PTPRN2: variants seen among roughly 807,000 people sequenced by gnomAD.
The protein encoded by PTPRN2 is protein tyrosine phosphatase receptor type N2, also known as receptor-type tyrosine-protein phosphatase N2.
In PTPRN2, 74 loss-of-function variants were observed where a neutral mutation model predicts 118.8. That is an observed-to-expected ratio of 0.62 (90% CI 0.52 to 0.76). The LOEUF is 0.76. Among genes scored for constraint, PTPRN2 ranks in the 30% least tolerant of loss-of-function variants. PTPRN2 has a pLI of 0.00. For synonymous variants in PTPRN2, 641 were observed against 608.0 expected (o/e 1.05, Z -0.80); for missense variants, 1,481 against 1,394.4 (o/e 1.06, Z -0.99).
rs2151255390 is a variant in PTPRN2, at chr7:157,868,781, T to C, written c.1788+29892A>G. 1 of 152,346 alleles carries C rather than the reference T, an allele frequency of 6.6e-6. No homozygotes were observed. Among genetic ancestry groups the C allele is most frequent in the African/African-American group, 2.4e-5 (1 of 41,566 alleles). The allele number at this position is 152,346 out of a possible 1,614,324, so 9.4% of individuals were successfully genotyped here. On this transcript the variant is annotated intron_variant, in intron 12 of 22. Transcript: ENST00000389418. The surrounding 1 kb of genome is among the most constrained non-coding windows in gnomAD (Gnocchi z 5.2). ...CTGTGCACTCCGGGCCATGCGTGGC[T>C]GGTAACTGGGAAATGCTCGACATGG...
intron 12 of PTPRN2, among the ~76,000 whole-genome samples, chr7:157,719,447 C>G (rs1799114772): frequency 6.6e-6 from 1 of 152,266 alleles, no homozygotes; most frequent in African/African-American, 2.4e-5. Context: ...CACCTGCCAC[C>G]CTTCTGTGTG....
At chr7:158,094,807 A>G (rs1031023408) in intron 10 of PTPRN2, among the ~76,000 whole-genome samples, 1 of 151,066 alleles carries the variant, frequency 6.6e-6, no homozygotes, top group African/African-American at 2.4e-5. Flanking sequence ...AAAGGTGAGA[A>G]CTCCTCCCCC....
chr7:157,831,702 G>A lies in PTPRN2; in HGVS notation c.1788+66971C>T, dbSNP rs1422018829. ...GAGCTCCCCTCTACTTCGGGCCTGCGAGAAGCAGGGAAGGTATAGGCTGCC... is the reference window on the plus strand; with the variant it reads ...GAGCTCCCCTCTACTTCGGGCCTGCAAGAAGCAGGGAAGGTATAGGCTGCC... On this transcript the variant is annotated intron_variant, in intron 12 of 22. Coordinates refer to ENST00000389418, the MANE Select transcript of PTPRN2 (RefSeq NM_002847.5). This position sits in a 1 kb window ranked among gnomAD's most constrained non-coding sequence, Gnocchi z 4.8. 2.0e-5 allele frequency among the ~76,000 whole-genome samples: 3 copies of A among 152,190 alleles called. No homozygotes were observed. The highest frequency in any genetic ancestry group is 4.4e-5 in the Non-Finnish European group (3 of 68,040).
intron 12 of PTPRN2, among the ~76,000 whole-genome samples, chr7:157,714,689 A>G (rs568848295): frequency 2.2e-4 from 34 of 152,298 alleles, no homozygotes; most frequent in Non-Finnish European, 4.0e-4. Context: ...CTGGGGAACG[A>G]TGCCCAGTCC....
rs538498604 is a variant in PTPRN2 at position 158,325,625 on chromosome 7, G to T, written c.164-8693C>A. Among the ~76,000 whole-genome samples the T allele has an allele frequency of 7.9e-5, 12 of 152,342 alleles. No homozygotes were observed. In the East Asian group the frequency reaches 2.1e-3, roughly 27 times the overall value. ...AAAGTTCTTGAATTGTGAGCAAGAA[G>T]GGATGGGCAGAAAAGGCACCCCAAT... On this transcript the variant is annotated intron_variant, in intron 2 of 22. Coordinates refer to ENST00000389418, the MANE Select transcript of PTPRN2 (RefSeq NM_002847.5).
At chr7:158,402,002 A>G (rs1812982639) in intron 2 of PTPRN2, among the ~76,000 whole-genome samples, 2 of 151,996 alleles carry the variant, frequency 1.3e-5, no homozygotes, top group Admixed American at 1.3e-4. Flanking sequence ...AGAGGTGGGA[A>G]ACGGGGTGTG....
At chr7:157,841,068 C>T (rs1016262290) in intron 12 of PTPRN2, among the ~76,000 whole-genome samples, 2 of 152,240 alleles carry the variant, frequency 1.3e-5, no homozygotes, top group African/African-American at 2.4e-5. Flanking sequence ...CAGCCGTGTC[C>T]GCCCTGCACT....
intron 2 of PTPRN2, among the ~76,000 whole-genome samples, chr7:158,416,408 C>T (rs1446428184): frequency 6.6e-6 from 1 of 152,216 alleles, no homozygotes; most frequent in African/African-American, 2.4e-5. Context: ...ACATAAAGTA[C>T]AAAGTGTGCT....
intron 2 of PTPRN2, among the ~76,000 whole-genome samples, chr7:158,397,390 A>G (rs1423511212): frequency 6.6e-6 from 1 of 152,170 alleles, no homozygotes; most frequent in Non-Finnish European, 1.5e-5. Context: ...ACCCCCGAGC[A>G]GTTGTGAACC....
chr7:158,061,452 C>T (rs907173611), intron 11 of PTPRN2, among the ~76,000 whole-genome samples: 10 of 152,350 alleles, frequency 6.6e-5, no homozygotes, highest in South Asian at 2.1e-4. Flanking sequence ...ACAACACAAG[C>T]GCTCGGCAGA....
chr7:157,594,235 A>G (rs1801154803), intron 17 of PTPRN2, among the ~76,000 whole-genome samples: 1 of 152,366 alleles, frequency 6.6e-6, no homozygotes, highest in African/African-American at 2.4e-5. Context: ...AATCGGAGTC[A>G]CGCGAGGCTG....
intron 11 of PTPRN2, among the ~76,000 whole-genome samples, chr7:157,968,732 T>C (rs1802114108): frequency 6.6e-6 from 1 of 152,192 alleles, no homozygotes; most frequent in Non-Finnish European, 1.5e-5. Context: ...TGTGTTTTGT[T>C]TTTTCCAAGT....
rs187892171 is a variant in PTPRN2 at position 158,039,506 on chromosome 7, C to T, written c.1723+41792G>A. On this transcript the variant is annotated intron_variant, in intron 11 of 22. Coordinates refer to ENST00000389418, the MANE Select transcript of PTPRN2 (RefSeq NM_002847.5). ...CAGGGGATTACAGATAAAAGAACTG[C>T]ACACATCAGACTTTATTTAAGGAGA... Among the ~76,000 whole-genome samples, 7 of 152,294 alleles carry T rather than the reference C, an allele frequency of 4.6e-5. No individual in the cohort carries two copies. The South Asian group carries it at 1.2e-3, about 27-fold the overall frequency.
intron 14 of PTPRN2, among the ~76,000 whole-genome samples, chr7:157,634,438 G>T (rs1804172875): frequency 6.6e-6 from 1 of 152,234 alleles, no homozygotes; most frequent in Admixed American, 6.5e-5. Context: ...AAAATTAACT[G>T]CCCATAGCTA....
chr7:157,833,666 G>C (rs562344336), intron 12 of PTPRN2, among the ~76,000 whole-genome samples: 4 of 152,224 alleles, frequency 2.6e-5, no homozygotes, highest in African/African-American at 9.6e-5. Flanking sequence ...GCATAGTTCC[G>C]GGAGCAGCTC....
chr7:158,146,924 C>G (rs536366037), intron 6 of PTPRN2, among the ~76,000 whole-genome samples: 9 of 151,538 alleles, frequency 5.9e-5, no homozygotes, highest in Admixed American at 2.6e-4. Flanking sequence ...GAATGACACC[C>G]CATCTCACGC....
chr7:158,585,419 A>G (rs1235169802), intron 1 of PTPRN2, among the ~76,000 whole-genome samples: 1 of 152,306 alleles, frequency 6.6e-6, no homozygotes, highest in East Asian at 1.9e-4. Flanking sequence ...CCTCGAAACA[A>G]TTTCAACGAT....
At chr7:158,025,982 C>A (rs960761604) in intron 11 of PTPRN2, among the ~76,000 whole-genome samples, 10 of 152,196 alleles carry the variant, frequency 6.6e-5, no homozygotes, top group African/African-American at 2.4e-4. Context: ...GCTTCAAAGG[C>A]AGTCATGTTT....
Position 157,622,763 on chromosome 7 carries a change from T to C in PTPRN2, c.2197-1254A>G, listed in dbSNP as rs2150645699. Among the ~76,000 whole-genome samples, 1 of 152,324 alleles carries C rather than the reference T, an allele frequency of 6.6e-6. No homozygotes were observed. The highest frequency in any genetic ancestry group is 2.4e-5 in the African/African-American group (1 of 41,590). On this transcript the variant is annotated intron_variant, in intron 14 of 22. Transcript: ENST00000389418. The surrounding 1 kb of genome is among the most constrained non-coding windows in gnomAD (Gnocchi z 5.3). ...TCAGGGTGGGCACTCTAAGGCCGTC[T>C]GTTGGGAGGTCCCAGGTTGTCACTG...
Sources: gnomAD v4.1 joint callset for allele counts (sites outside exome capture counted in the v4.1 genomes callset) on GRCh38, gnomAD v4.1.1 for gene constraint, Gnocchi (gnomAD v3.1) non-coding constraint, MANE v1.5 for transcripts, NCBI Gene and HGNC (gene_info 2026-07-23, HGNC 2026-07-21) for gene names.